CCDC106: variants seen among roughly 807,000 people sequenced by gnomAD.
The protein encoded by CCDC106 is coiled-coil domain containing 106.
In CCDC106, 17 loss-of-function variants were observed where a neutral mutation model predicts 24.7. That is an observed-to-expected ratio of 0.69 (90% CI 0.47 to 1.03). CCDC106 has a LOEUF of 1.03. CCDC106 is among the 50% of genes least tolerant of loss of function. The pLI, the probability that CCDC106 is intolerant of heterozygous loss-of-function variation, is 0.00. For missense variants in CCDC106, 337 were observed against 388.9 expected, an observed-to-expected ratio of 0.87 and a Z score of 1.12; for synonymous variants, 211 against 161.3, an observed-to-expected ratio of 1.31 and a Z score of -2.34.
upstream of CCDC106, chr19:55,648,118 C>G (rs898505468): frequency 6.6e-6 from 1 of 152,296 alleles, no homozygotes; most frequent in Non-Finnish European, 1.5e-5. Flanking sequence ...GCGTCCCTGC[C>G]CGTTCCGTCG....
chr19:55,649,379 TG>T, intron 2 of CCDC106, 28 bp from the exon 3 acceptor site: 3 of 1,613,472 alleles, frequency 1.9e-6, no homozygotes, highest in South Asian at 2.2e-5. Context: ...GGGTGTGACC[TG>T]GTCCCCCCAC....
At chr19:55,651,260 T>C (rs1283934314) in intron 3 of CCDC106, 23 bp from the exon 4 acceptor site, 7 of 1,554,928 alleles carry the variant, frequency 4.5e-6, no homozygotes, top group Non-Finnish European at 6.2e-6. Context: ...CCTTGGTTCA[T>C]GTGTGTGTCT....
chr19:55,651,692 C>T (rs1983293475), intron 4 of CCDC106, among the ~76,000 whole-genome samples, 197 bp downstream of exon 4: 1 of 151,598 alleles, frequency 6.6e-6, no homozygotes, highest in Non-Finnish European at 1.5e-5. Context: ...GACGTCTTGC[C>T]CCGTCGCCCA....
intron 1 of CCDC106, 52 bp downstream of exon 1, chr19:55,649,129 C>T (rs1983063081): frequency 2.5e-6 from 4 of 1,612,626 alleles, no homozygotes; most frequent in Non-Finnish European, 3.4e-6. Context: ...CGGTCGGCTC[C>T]AGGCTGCCGT....
rs377128906 is a variant in CCDC106 at position 55,649,006 on chromosome 19, C to T, written c.-41C>T. On this transcript the variant is annotated 5_prime_UTR_variant, in exon 1 of 5. Transcript: ENST00000586790. ...GTGGCTGCCGTTTCTGTCCAGTGCC[C>T]CTGAGGCCCTCGGCTGCTGGGGTCC... 6.2e-7 allele frequency: 1 copy of T among 1,608,710 alleles called. No individual in the cohort carries two copies. Among genetic ancestry groups the T allele is most frequent in the Non-Finnish European group, 8.5e-7 (1 of 1,176,750 alleles).
Position 55,652,671 on chromosome 19 carries a change from C to T in CCDC106, c.768C>T (p.Asp256=), listed in dbSNP as rs763883985. 1.3e-5 allele frequency: 21 copies of T among 1,613,086 alleles called. No individual in the cohort carries two copies. In the East Asian group the frequency reaches 2.7e-4, roughly 21 times the overall value. Residue 256 remains aspartate (D), a synonymous_variant, in exon 5 of 5, where the codon GAC becomes GAT. Coordinates refer to ENST00000586790, the MANE Select transcript of CCDC106 (RefSeq NM_001370470.1). This position sits in a 1 kb window ranked among gnomAD's most constrained non-coding sequence, Gnocchi z 5.9. ...YSRRCFLALD[D]ETLKKVQALK... ...GCCGCTGCTTTCTGGCCCTGGACGA[C>T]GAGACGCTCAAGAAGGTGCAGGCGC...
In CCDC106 at chr19:55,648,777, A is replaced by C. The variant is rs1983034417; in HGVS notation, c.-270A>C. 5 of 554,480 alleles carry C rather than the reference A, an allele frequency of 9.0e-6. No individual in the cohort carries two copies. The highest frequency in any genetic ancestry group is 1.9e-5 in the African/African-American group (1 of 52,956). The allele number at this position is 554,480 out of a possible 1,614,324, so 34.3% of individuals were successfully genotyped here. ...ACCCAGGAGCCCACGTCCCCAGCTC[A>C]CTTCTCCCCCAGGACCTAGGCGGCT... On this transcript the variant is annotated 5_prime_UTR_variant, in exon 1 of 5. Coordinates refer to ENST00000586790, the MANE Select transcript of CCDC106 (RefSeq NM_001370470.1).
chr19:55,651,200 G>A lies in CCDC106; in HGVS notation c.314-83G>A, dbSNP rs76054106. On this transcript the variant is annotated intron_variant, in intron 3 of 4. Transcript: ENST00000586790. Reference sequence around the variant, plus strand: ...CAGCCCAGGTTGGGGGATCCAGTTCGGGGACTGCAGCCTCTCTCAGTCCCG... The same window carrying A: ...CAGCCCAGGTTGGGGGATCCAGTTCAGGGACTGCAGCCTCTCTCAGTCCCG... 1,316 of 1,069,050 alleles carry A rather than the reference G, an allele frequency of 1.2e-3. 13 individuals carry two copies. In the African/African-American group the frequency reaches 0.017, roughly 14 times the overall value. 66.2% of individuals were successfully genotyped at this position (1,069,050 alleles called of 1,614,324 possible). A position where few individuals can be genotyped will look rare whatever the true frequency, so the allele number is the denominator to read the frequency against.
At chr19:55,651,167 T>G in intron 3 of CCDC106, 116 bp from the exon 4 acceptor site, 1 of 802,692 alleles carries the variant, frequency 1.2e-6, no homozygotes, top group Non-Finnish European at 2.2e-6. Context: ...TCTGTCTCTT[T>G]AGGGGACCAG....
rs559900021 is a variant in CCDC106, at chr19:55,649,069, G to A, written c.23G>A (p.Arg8Lys). The A allele has an allele frequency of 1.2e-6, 2 of 1,613,890 alleles. No individual in the cohort carries two copies. Among genetic ancestry groups the A allele is most frequent in the East Asian group, 4.5e-5 (2 of 44,874 alleles). Reference protein sequence around the residue: MNDRSSRRRTMKDDETFE... With the variant: MNDRSSRKRTMKDDETFE... ...GCCATGAATGACCGGAGCAGTCGGA[G>A]GCGGACAAGTGAGGAAGCTGGGTCC... is the stretch of plus-strand genomic sequence containing the variant. Residue 8 changes from arginine to lysine, a missense_variant, in exon 1 of 5, where the codon AGG becomes AAG. By Grantham distance (26) the Arg-to-Lys change is conservative. Coordinates refer to ENST00000586790, the MANE Select transcript of CCDC106 (RefSeq NM_001370470.1).
At position 55,649,285 on chromosome 19, in the gene CCDC106, AG is replaced by A; in HGVS notation, c.113del (p.Ser38ThrfsTer20). On this transcript the variant is annotated frameshift_variant, in exon 2 of 5. Coordinates refer to ENST00000586790, the MANE Select transcript of CCDC106 (RefSeq NM_001370470.1). LOFTEE classifies it high-confidence loss of function. ...HLDPQIFYSL[S>X]PSRRNFEEPP... ...AGACCCACAGATCTTTTACAGTCTG[AG>A]CCCCTCTCGGAGAAACTTCGAGGGT... 6.2e-7 allele frequency: 1 copy of A among 1,613,950 alleles called. No homozygotes were observed. Among genetic ancestry groups the A allele is most frequent in the Non-Finnish European group, 8.5e-7 (1 of 1,179,940 alleles).
At chr19:55,650,460 C>G (rs1007860749) in intron 3 of CCDC106, among the ~76,000 whole-genome samples, 1 of 152,204 alleles carries the variant, frequency 6.6e-6, no homozygotes, top group African/African-American at 2.4e-5. Context: ...CACCTACCCT[C>G]ATCTCAGCCT....
At chr19:55,648,062 A>T (rs1018725170), upstream of CCDC106, 1 of 150,922 alleles carries the variant, frequency 6.6e-6, no homozygotes, top group Admixed American at 6.6e-5. Context: ...GGACCCGGGG[A>T]CTCTTCAACG....
upstream of CCDC106, among the ~76,000 whole-genome samples, chr19:55,647,445 C>T (rs1346756855): frequency 6.6e-6 from 1 of 152,334 alleles, no homozygotes. Flanking sequence ...CACCATCTGA[C>T]CTCAAATAAT....
chr19:55,652,753 C>T lies in CCDC106; in HGVS notation c.*7C>T, dbSNP rs761568732. ...CTACCGCTTCAAGCGGTGATCGCAC[C>T]ACGCCTCCGCGCCTCCACCCGGGCC... On this transcript the variant is annotated 3_prime_UTR_variant, in exon 5 of 5. Coordinates refer to ENST00000586790, the MANE Select transcript of CCDC106 (RefSeq NM_001370470.1). The surrounding 1 kb of genome is among the most constrained non-coding windows in gnomAD (Gnocchi z 5.9). 1 of 1,600,778 alleles carries T rather than the reference C, an allele frequency of 6.2e-7. No homozygotes were observed. The highest frequency in any genetic ancestry group is 1.1e-5 in the South Asian group (1 of 90,566).
rs1983396177 is a variant in CCDC106 at position 55,652,620 on chromosome 19, C to G, written c.717C>G (p.Ser239=). ...KLAEVGEFDP[S]KERLLEYSRR... ...CCGAGGTGGGCGAGTTCGACCCCTC[C>G]AAGGAGCGCCTGCTCGAGTACTCCC... is the stretch of plus-strand genomic sequence containing the variant. Residue 239 remains serine, a synonymous_variant, in exon 5 of 5, where the codon TCC becomes TCG. Coordinates refer to ENST00000586790, the MANE Select transcript of CCDC106 (RefSeq NM_001370470.1). The surrounding 1 kb of genome is among the most constrained non-coding windows in gnomAD (Gnocchi z 5.9). 3 of 1,613,122 alleles carry G rather than the reference C, an allele frequency of 1.9e-6. No homozygotes were observed. In the East Asian group the frequency reaches 6.7e-5, roughly 36 times the overall value.
chr19:55,652,539 C>T lies in CCDC106; in HGVS notation c.636C>T (p.Thr212=). The T allele has an allele frequency of 9.3e-6, 15 of 1,613,688 alleles. No individual in the cohort carries two copies. The highest frequency in any genetic ancestry group is 1.3e-5 in the African/African-American group (1 of 75,054). ...AFEHHRVDRN[T]VALTTPIAEL... ...AGCACCACCGCGTGGACAGGAACACCGTGGCGCTGACCACGCCCATCGCCG... is the reference window on the plus strand; with the variant it reads ...AGCACCACCGCGTGGACAGGAACACTGTGGCGCTGACCACGCCCATCGCCG... Residue 212 remains threonine (T), a synonymous_variant, in exon 5 of 5, where the codon ACC becomes ACT. Coordinates refer to ENST00000586790, the MANE Select transcript of CCDC106 (RefSeq NM_001370470.1). The surrounding 1 kb of genome is among the most constrained non-coding windows in gnomAD (Gnocchi z 5.9).
At chr19:55,651,781 C>G (rs2123653660) in intron 4 of CCDC106, among the ~76,000 whole-genome samples, 1 of 152,226 alleles carries the variant, frequency 6.6e-6, no homozygotes, top group South Asian at 2.1e-4. Flanking sequence ...CCTGCCTCAG[C>G]CTCCCGAGTA....
intron 3 of CCDC106, among the ~76,000 whole-genome samples, chr19:55,651,010 C>T (rs1240569360): frequency 6.6e-6 from 1 of 152,228 alleles, no homozygotes; most frequent in East Asian, 1.9e-4. Context: ...CGCATAGTCA[C>T]AGGGGTCCTG....
Sources: gnomAD v4.1 joint callset for allele counts (sites outside exome capture counted in the v4.1 genomes callset) on GRCh38, gnomAD v4.1.1 for gene constraint, Gnocchi (gnomAD v3.1) non-coding constraint, MANE v1.5 for transcripts, NCBI Gene and HGNC (gene_info 2026-07-23, HGNC 2026-07-21) for gene names.